The following SEMA6D variants were observed in gnomAD, a reference collection of about 807,000 sequenced individuals.
SEMA6D encodes the protein semaphorin 6D.
Under a neutral mutation model 106.6 loss-of-function variants are expected in SEMA6D, and 35 were observed. The ratio of observed to expected loss-of-function variants is 0.33; its 90% confidence interval spans 0.25 to 0.44. The LOEUF (loss-of-function observed/expected upper bound fraction) is 0.44. Among genes scored for constraint, SEMA6D ranks in the 20% least tolerant of loss-of-function variants. SEMA6D has a pLI of 1.00. For synonymous variants in SEMA6D, 499 were observed against 487.7 expected, an observed-to-expected ratio of 1.02 and a Z score of -0.31; for missense variants, 1,185 against 1,345.9, an observed-to-expected ratio of 0.88 and a Z score of 1.87.
intron 4 of SEMA6D, among the ~76,000 whole-genome samples, chr15:47,640,564 A>C (rs1488429121): frequency 1.3e-5 from 2 of 152,190 alleles, no homozygotes; most frequent in Non-Finnish European, 2.9e-5. Context: ...CTTCCAGTGC[A>C]CTTAAGGGAT....
intron 1 of SEMA6D, among the ~76,000 whole-genome samples, chr15:47,231,513 A>T (rs2032195136): frequency 6.6e-6 from 1 of 151,690 alleles, no homozygotes. Flanking sequence ...CATTACTCCC[A>T]CTCTTTCCAG....
chr15:47,598,287 G>A (rs2076577406), intron 3 of SEMA6D, among the ~76,000 whole-genome samples: 1 of 152,074 alleles, frequency 6.6e-6, no homozygotes, highest in Non-Finnish European at 1.5e-5. Flanking sequence ...ATAATTGGAG[G>A]TTGAAAGATT....
chr15:47,257,703 A>G (rs544712912), intron 1 of SEMA6D, among the ~76,000 whole-genome samples: 4 of 152,026 alleles, frequency 2.6e-5, no homozygotes, highest in Admixed American at 6.5e-5. Flanking sequence ...ATATGGGTCT[A>G]TCTTGGTAAA....
At chr15:47,490,062 A>G (rs1341318886) in intron 3 of SEMA6D, among the ~76,000 whole-genome samples, 2 of 152,104 alleles carry the variant, frequency 1.3e-5, no homozygotes, top group Non-Finnish European at 2.9e-5. Flanking sequence ...TGCTTCTGTG[A>G]AGGTTTTCCA....
chr15:47,717,376 G>A (rs955332971), upstream of SEMA6D: 1 of 152,040 alleles, frequency 6.6e-6, no homozygotes, highest in Non-Finnish European at 1.5e-5. Context: ...CCGTGCCCGG[G>A]GGTGGGACCC....
intron 1 of SEMA6D, among the ~76,000 whole-genome samples, chr15:47,263,888 A>G (rs989191032): frequency 6.6e-6 from 1 of 151,866 alleles, no homozygotes; most frequent in Non-Finnish European, 1.5e-5. Flanking sequence ...ACAAAGATAC[A>G]TGAATGCATC....
At chr15:47,567,294 T>G (rs1353562812) in intron 3 of SEMA6D, among the ~76,000 whole-genome samples, 4 of 152,198 alleles carry the variant, frequency 2.6e-5, no homozygotes, top group Non-Finnish European at 5.9e-5. Flanking sequence ...ACCCTGGCTT[T>G]TATGTTGGGA....
At chr15:47,238,495 A>T (rs897770614) in intron 1 of SEMA6D, among the ~76,000 whole-genome samples, 1 of 152,172 alleles carries the variant, frequency 6.6e-6, no homozygotes. Context: ...CCTTGGTACT[A>T]TAATACGAAT....
At chr15:47,390,644 T>A (rs1673676395) in intron 1 of SEMA6D, among the ~76,000 whole-genome samples, 1 of 152,184 alleles carries the variant, frequency 6.6e-6, no homozygotes, top group South Asian at 2.1e-4. Flanking sequence ...AAAATGTAAT[T>A]CCATCAAGCT....
intron 1 of SEMA6D, among the ~76,000 whole-genome samples, chr15:47,348,223 A>G (rs1487241702): frequency 6.6e-6 from 1 of 152,180 alleles, no homozygotes; most frequent in Admixed American, 6.5e-5. Context: ...TCTAGAGCCA[A>G]CCAGAATGCT....
chr15:47,566,637 AT>A (rs2046237714), intron 3 of SEMA6D, among the ~76,000 whole-genome samples: 1 of 152,194 alleles, frequency 6.6e-6, no homozygotes, highest in South Asian at 2.1e-4. Flanking sequence ...CACCTTAGAG[AT>A]TAGAAAATCT....
At chr15:47,533,736 G>A (rs2045056467) in intron 3 of SEMA6D, among the ~76,000 whole-genome samples, 1 of 152,192 alleles carries the variant, frequency 6.6e-6, no homozygotes, top group South Asian at 2.1e-4. Flanking sequence ...ATTGGAAGAA[G>A]AATGTGCAGA....
At chr15:47,296,579 C>G (rs1164774776) in intron 1 of SEMA6D, among the ~76,000 whole-genome samples, 5 of 152,092 alleles carry the variant, frequency 3.3e-5, no homozygotes. Flanking sequence ...AGTTTATATG[C>G]CTGAACATAT....
intron 3 of SEMA6D, among the ~76,000 whole-genome samples, chr15:47,557,955 C>T (rs906089674): frequency 6.6e-6 from 1 of 152,034 alleles, no homozygotes; most frequent in African/African-American, 2.4e-5. Context: ...TCTGATGAAG[C>T]CTATAGTCTC....
rs572335970 is a variant in SEMA6D at position 47,344,233 on chromosome 15, C to T, written c.-238-68160C>T. Among the ~76,000 whole-genome samples, 8 of 152,244 alleles carry T rather than the reference C, an allele frequency of 5.3e-5. No individual in the cohort carries two copies. The East Asian group carries it at 1.4e-3, about 26-fold the overall frequency. On this transcript the variant is annotated intron_variant, in intron 1 of 19. Coordinates refer to the SEMA6D transcript ENST00000558014. ...ATTTTAAAAGGAAATCTTATCACTACTGTGTTATCAGTATAGCTGCCATTT... is the reference window on the plus strand; with the variant it reads ...ATTTTAAAAGGAAATCTTATCACTATTGTGTTATCAGTATAGCTGCCATTT...
chr15:47,529,076 T>C (rs1249116142), intron 3 of SEMA6D, among the ~76,000 whole-genome samples: 1 of 152,210 alleles, frequency 6.6e-6, no homozygotes, highest in African/African-American at 2.4e-5. Flanking sequence ...AACACACATG[T>C]TTATGTTATA....
intron 1 of SEMA6D, among the ~76,000 whole-genome samples, chr15:47,244,861 C>T (rs538491534): frequency 1.6e-4 from 25 of 152,150 alleles, no homozygotes; most frequent in Non-Finnish European, 3.2e-4. Context: ...TCATCCCCCT[C>T]GCGGTAGTTC....
intron 3 of SEMA6D, among the ~76,000 whole-genome samples, chr15:47,482,555 C>T (rs535326455): frequency 6.6e-6 from 1 of 151,968 alleles, no homozygotes; most frequent in Non-Finnish European, 1.5e-5. Flanking sequence ...GTACCAGTCA[C>T]GTGCAGGATA....
intron 1 of SEMA6D, among the ~76,000 whole-genome samples, chr15:47,282,287 T>G (rs1379377131): frequency 6.6e-6 from 1 of 152,182 alleles, no homozygotes; most frequent in Non-Finnish European, 1.5e-5. Context: ...TTTCATCTGT[T>G]TTTGAATTTT....
Sources: gnomAD v4.1 joint callset for allele counts (sites outside exome capture counted in the v4.1 genomes callset) on GRCh38, gnomAD v4.1.1 for gene constraint, MANE v1.5 for transcripts, NCBI Gene and HGNC (gene_info 2026-07-23, HGNC 2026-07-21) for gene names.